PREX1: variants seen among roughly 807,000 people sequenced by gnomAD.
PREX1 encodes phosphatidylinositol 3,4,5-trisphosphate-dependent Rac exchanger 1 protein.
A neutral mutation model predicts 198.3 loss-of-function variants in PREX1; 41 were observed. That is an observed-to-expected ratio of 0.21 (90% CI 0.16 to 0.27). The LOEUF is 0.27. Ranked by LOEUF, PREX1 falls within the 10% of genes least tolerant of loss-of-function variation. The pLI is 1.00. For missense variants in PREX1, 1,620 were observed against 2,200.7 expected, an observed-to-expected ratio of 0.74 and a Z score of 5.28; for synonymous variants, 843 against 887.2, an observed-to-expected ratio of 0.95 and a Z score of 0.89.
intron 7 of PREX1, among the ~76,000 whole-genome samples, chr20:48,699,526 CCT>C (rs1691115358): frequency 6.6e-6 from 1 of 152,070 alleles, no homozygotes; most frequent in Non-Finnish European, 1.5e-5. Flanking sequence ...CCTAATTTCC[CCT>C]CTCTCCAATC....
At chr20:48,792,639 T>C (rs2090343433) in intron 1 of PREX1, among the ~76,000 whole-genome samples, 1 of 152,028 alleles carries the variant, frequency 6.6e-6, no homozygotes. Context: ...TGTACACTCA[T>C]GTGCATAGCA....
chr20:48,776,620 G>A (rs955810383), intron 1 of PREX1, among the ~76,000 whole-genome samples: 24 of 152,190 alleles, frequency 1.6e-4, no homozygotes, highest in African/African-American at 5.8e-4. Context: ...ACTGCTTGTA[G>A]GGCTGGAGGC....
At chr20:48,859,875 A>G in the PREX1 span, among the ~76,000 whole-genome samples, 280 of 152,232 alleles carry the variant, frequency 1.8e-3, 1 homozygote, top group African/African-American at 6.5e-3. Flanking sequence ...AAAATTGGCC[A>G]GGCATGGTGG....
chr20:48,721,100 C>T (rs1224101452), intron 5 of PREX1, among the ~76,000 whole-genome samples: 1 of 152,174 alleles, frequency 6.6e-6, no homozygotes, highest in Non-Finnish European at 1.5e-5. Flanking sequence ...ACATAAAAGT[C>T]CCAATTTCTG....
intron 1 of PREX1, among the ~76,000 whole-genome samples, chr20:48,818,088 C>T (rs2090466654): frequency 2.0e-5 from 3 of 152,240 alleles, no homozygotes; most frequent in East Asian, 1.9e-4. Flanking sequence ...GGCTGAGCCA[C>T]GGGGACACTG....
the PREX1 span, among the ~76,000 whole-genome samples, chr20:48,878,896 A>G: frequency 1.3e-5 from 2 of 152,204 alleles, no homozygotes; most frequent in Non-Finnish European, 2.9e-5. Flanking sequence ...CTGTATGTTG[A>G]TATTATTAGA....
At chr20:48,655,438 C>A (rs1568806025) in intron 18 of PREX1, 63 bp from the exon 19 acceptor site, 6 of 1,324,596 alleles carry the variant, frequency 4.5e-6, no homozygotes, top group African/African-American at 3.1e-5. Flanking sequence ...CTCTCAATAA[C>A]CCCGGTGCCA....
At position 48,672,588 on chromosome 20, in the gene PREX1, G is replaced by A. The variant is rs969765755; in HGVS notation, c.1665+3605C>T. ...CATGGTGCGCCCACGCGGCTTCCTC[G>A]CCACTCCTCTCCCCTCTCACTCCAT... On this transcript the variant is annotated intron_variant, in intron 14 of 39. Coordinates refer to ENST00000371941, the MANE Select transcript of PREX1 (RefSeq NM_020820.4). Among the ~76,000 whole-genome samples, 7 of 152,316 alleles carry A rather than the reference G, an allele frequency of 4.6e-5. No individual in the cohort carries two copies. In the East Asian group the frequency reaches 5.8e-4, roughly 13 times the overall value.
intron 1 of PREX1, among the ~76,000 whole-genome samples, chr20:48,791,214 G>A (rs1172022263): frequency 6.6e-6 from 1 of 152,102 alleles, no homozygotes; most frequent in Non-Finnish European, 1.5e-5. Flanking sequence ...AAAGCACACA[G>A]AAATAAATCG....
chr20:48,733,156 A>T (rs1470406750), intron 4 of PREX1, among the ~76,000 whole-genome samples: 2 of 152,252 alleles, frequency 1.3e-5, no homozygotes, highest in African/African-American at 4.8e-5. Flanking sequence ...TTTTATACAT[A>T]AGTGAGGCTC....
rs73609685 is a variant in PREX1 at position 48,642,665 on chromosome 20, C to A, written c.3602-176G>T. 3 of 570,058 alleles carry A rather than the reference C, an allele frequency of 5.3e-6. No individual in the cohort carries two copies. The East Asian group carries it at 8.8e-5, about 17-fold the overall frequency. The allele number at this position is 570,058 out of a possible 1,614,324, so 35.3% of individuals were successfully genotyped here. A position where few individuals can be genotyped will look rare whatever the true frequency, so the allele number is the denominator to read the frequency against. On this transcript the variant is annotated intron_variant, in intron 27 of 39. Transcript: ENST00000371941. ...GGCAAATCACCTGACCTCTCTGAGC[C>A]TCAGTTTCTTCATCTGCAAAATGGA... is the stretch of plus-strand genomic sequence containing the variant.
chr20:48,666,347 G>A lies in PREX1; in HGVS notation c.1674C>T (p.Cys558=). 6 of 1,561,650 alleles carry A rather than the reference G, an allele frequency of 3.8e-6. No homozygotes were observed. The highest frequency in any genetic ancestry group is 5.2e-6 in the Non-Finnish European group (6 of 1,153,618). The change falls in exon 15 of 40, where the codon TGC becomes TGT. Residue 558 remains cysteine (C), a synonymous_variant. Coordinates refer to ENST00000371941, the MANE Select transcript of PREX1 (RefSeq NM_020820.4). This position sits in a 1 kb window ranked among gnomAD's most constrained non-coding sequence, Gnocchi z 4.3. The part of the protein sequence containing the change: ...LVDWLLAQGD[C]QTREEAVALG... Reference sequence around the variant, plus strand: ...GCGCCACTGCCTCCTCCCGAGTCTGGCAGTCTCCCTGGAATGGAACAAGAA... The same window carrying A: ...GCGCCACTGCCTCCTCCCGAGTCTGACAGTCTCCCTGGAATGGAACAAGAA...
intron 6 of PREX1, among the ~76,000 whole-genome samples, chr20:48,707,599 G>A (rs2089909369): frequency 6.6e-6 from 1 of 152,146 alleles, no homozygotes. Context: ...TTAATCTCCT[G>A]TTCCAGCTGT....
intron 5 of PREX1, among the ~76,000 whole-genome samples, chr20:48,710,106 C>T (rs1254450340): frequency 6.6e-6 from 1 of 152,198 alleles, no homozygotes; most frequent in Admixed American, 6.5e-5. Flanking sequence ...AAAGGCACTT[C>T]CCTGGGGGCT....
chr20:48,737,214 G>GT (rs1568844753), intron 3 of PREX1, among the ~76,000 whole-genome samples: 3 of 40,030 alleles, frequency 7.5e-5, no homozygotes, highest in Non-Finnish European at 1.2e-4. Flanking sequence ...GGTTTTGACA[G>GT]CAAAAAAAAA....
chr20:48,704,728 G>T (rs373349501), intron 6 of PREX1, among the ~76,000 whole-genome samples: 59 of 152,258 alleles, frequency 3.9e-4, no homozygotes, highest in African/African-American at 1.4e-3. Flanking sequence ...GCTAATTTTT[G>T]TATGTTTAAT....
At chr20:48,856,372 T>G in the PREX1 span, among the ~76,000 whole-genome samples, 1 of 152,192 alleles carries the variant, frequency 6.6e-6, no homozygotes, top group Non-Finnish European at 1.5e-5. Flanking sequence ...CAGGGGCACT[T>G]TAGGACAAAG....
chr20:48,689,956 C>T (rs2089808767), intron 9 of PREX1, among the ~76,000 whole-genome samples: 1 of 152,128 alleles, frequency 6.6e-6, no homozygotes, highest in South Asian at 2.1e-4. Flanking sequence ...GGCAGAGTTA[C>T]AGGGACTTGT....
At chr20:48,658,393 C>G (rs182195392) in intron 16 of PREX1, among the ~76,000 whole-genome samples, 165 bp from the exon 17 acceptor site, 1 of 152,376 alleles carries the variant, frequency 6.6e-6, no homozygotes, top group South Asian at 2.1e-4. Context: ...CTGGCAGAGC[C>G]AGTGCTCACT....
Sources: allele counts gnomAD v4.1 joint callset (sites outside exome capture counted in the v4.1 genomes callset), GRCh38; gene constraint gnomAD v4.1.1; non-coding constraint Gnocchi (gnomAD v3.1); transcripts MANE v1.5; gene names NCBI Gene and HGNC (gene_info 2026-07-23, HGNC 2026-07-21).